Variants in HSD17B12 observed in about 807,000 individuals in gnomAD.
HSD17B12 encodes the protein hydroxysteroid 17-beta dehydrogenase 12.
In HSD17B12, 32 loss-of-function variants were observed where a neutral mutation model predicts 39.3. The ratio of observed to expected loss-of-function variants is 0.81; its 90% CI spans 0.61 to 1.09. The LOEUF (loss-of-function observed/expected upper bound fraction) is 1.09. Among genes scored for constraint, HSD17B12 ranks in the 50% least tolerant of loss-of-function variants. The pLI is 0.00. For synonymous variants in HSD17B12, 150 were observed against 146.7 expected (o/e 1.02, Z -0.16); for missense variants, 342 against 382.9 (o/e 0.89, Z 0.89).
At chr11:43,748,435 A>G (rs775528859) in intron 1 of HSD17B12, among the ~76,000 whole-genome samples, 13 of 152,118 alleles carry the variant, frequency 8.5e-5, no homozygotes, top group Non-Finnish European at 1.8e-4. Context: ...ATAAATATGC[A>G]AACAGTAGAC....
At chr11:43,564,965 T>G in the HSD17B12 span, among the ~76,000 whole-genome samples, 1 of 151,566 alleles carries the variant, frequency 6.6e-6, no homozygotes, top group Admixed American at 6.6e-5. Flanking sequence ...AGTGGCACTG[T>G]GTCGGCTGGC....
chr11:43,656,945 C>A, the HSD17B12 span, among the ~76,000 whole-genome samples: 1 of 152,104 alleles, frequency 6.6e-6, no homozygotes, highest in Non-Finnish European at 1.5e-5. Flanking sequence ...AGTTCAATTC[C>A]TGGGTATCCT....
At chr11:43,833,339 C>T (rs998504979) in intron 7 of HSD17B12, 1 of 152,148 alleles carries the variant, frequency 6.6e-6, no homozygotes, top group Non-Finnish European at 1.5e-5. Flanking sequence ...CTTTTCCCTC[C>T]CCTCTCTACC....
the HSD17B12 span, among the ~76,000 whole-genome samples, chr11:43,566,577 T>C: frequency 6.6e-6 from 1 of 152,136 alleles, no homozygotes; most frequent in Non-Finnish European, 1.5e-5. Context: ...TCACCCAGGC[T>C]GGAGTGCAGT....
chr11:43,619,183 A>G, the HSD17B12 span, among the ~76,000 whole-genome samples: 1 of 75,596 alleles, frequency 1.3e-5, no homozygotes, highest in African/African-American at 4.7e-5. Flanking sequence ...ATATATATAA[A>G]ATATATATAT....
chr11:43,799,327 A>G (rs975320110), intron 4 of HSD17B12, among the ~76,000 whole-genome samples: 13 of 152,130 alleles, frequency 8.5e-5, no homozygotes. Flanking sequence ...TGGATTGTTT[A>G]GAAGGGCACA....
the HSD17B12 span, among the ~76,000 whole-genome samples, chr11:43,601,384 G>A: frequency 6.6e-6 from 1 of 151,596 alleles, no homozygotes; most frequent in African/African-American, 2.4e-5. Context: ...TCTTGATCAC[G>A]CTTTAGTAGT....
intron 3 of HSD17B12, among the ~76,000 whole-genome samples, chr11:43,793,938 G>A (rs1431870375): frequency 2.0e-5 from 3 of 152,202 alleles, no homozygotes; most frequent in Non-Finnish European, 4.4e-5. Context: ...GCAGTAGATA[G>A]AAAGGGAGTG....
chr11:43,781,042 G>A (rs1590294467), intron 3 of HSD17B12, among the ~76,000 whole-genome samples: 1 of 152,082 alleles, frequency 6.6e-6, no homozygotes, highest in Non-Finnish European at 1.5e-5. Context: ...TTTGGCTTTG[G>A]TGGTAACAAA....
intron 1 of HSD17B12, among the ~76,000 whole-genome samples, chr11:43,697,677 A>T (rs1217944738): frequency 6.6e-6 from 1 of 152,194 alleles, no homozygotes; most frequent in Non-Finnish European, 1.5e-5. Flanking sequence ...GGGGTGTTGG[A>T]GGACAGGGGA....
chr11:43,644,306 G>A, the HSD17B12 span: 57,717 of 151,782 alleles, frequency 0.38, 12,312 homozygotes, highest in East Asian at 0.73. Context: ...GGTTTGGGGG[G>A]CTGTCGGTCC....
the HSD17B12 span, among the ~76,000 whole-genome samples, chr11:43,649,750 A>G: frequency 1.3e-5 from 2 of 152,184 alleles, no homozygotes; most frequent in Middle Eastern, 3.2e-3. Context: ...GACCAAGACT[A>G]TGTGGTAGAA....
At chr11:43,646,159 A>C in the HSD17B12 span, 1 of 152,282 alleles carries the variant, frequency 6.6e-6, no homozygotes, top group Non-Finnish European at 1.5e-5. Context: ...ATCTCAAAAA[A>C]TATATGTATA....
At chr11:43,617,882 C>G in the HSD17B12 span, among the ~76,000 whole-genome samples, 1 of 152,184 alleles carries the variant, frequency 6.6e-6, no homozygotes, top group Admixed American at 6.5e-5. Context: ...AGTGAATCAT[C>G]TCCCTAAGTA....
the HSD17B12 span, among the ~76,000 whole-genome samples, chr11:43,588,815 A>T: frequency 2.0e-5 from 3 of 151,856 alleles, no homozygotes; most frequent in Middle Eastern, 3.4e-3. Flanking sequence ...TCTGGGAGCA[A>T]ATCAGAAGGG....
the HSD17B12 span, among the ~76,000 whole-genome samples, chr11:43,561,420 A>T: frequency 2.6e-5 from 4 of 152,138 alleles, no homozygotes; most frequent in Non-Finnish European, 4.4e-5. Flanking sequence ...TTCCTGATGG[A>T]CCCAATAAAA....
intron 1 of HSD17B12, chr11:43,734,393 G>A (rs1565068314): frequency 1.2e-6 from 1 of 816,056 alleles, no homozygotes; most frequent in East Asian, 2.5e-5. Flanking sequence ...CATCTCTGCT[G>A]AGGGTGACTC....
intron 1 of HSD17B12, among the ~76,000 whole-genome samples, chr11:43,683,419 A>AAG (rs915104856): frequency 3.9e-5 from 6 of 152,104 alleles, no homozygotes; most frequent in Non-Finnish European, 7.4e-5. Flanking sequence ...GCTTAAGCAG[A>AAG]AGAAGTGATC....
chr11:43,844,279 A>G (rs1393282457), intron 9 of HSD17B12, among the ~76,000 whole-genome samples: 2 of 152,154 alleles, frequency 1.3e-5, no homozygotes, highest in East Asian at 1.9e-4. Flanking sequence ...TTCTCTCCCC[A>G]TCTTTCCCTC....
Sources: gnomAD v4.1 joint callset for allele counts (sites outside exome capture counted in the v4.1 genomes callset) on GRCh38, gnomAD v4.1.1 for gene constraint, MANE v1.5 for transcripts, NCBI Gene and HGNC (gene_info 2026-07-23, HGNC 2026-07-21) for gene names.